CUX2: variants seen among roughly 807,000 people sequenced by gnomAD.
CUX2 encodes homeobox protein cut-like 2.
A neutral mutation model predicts 144.8 loss-of-function variants in CUX2; 40 were observed. The ratio of observed to expected loss-of-function variants is 0.28; its 90% CI spans 0.21 to 0.36. The LOEUF (loss-of-function observed/expected upper bound fraction) is 0.36. Among genes scored for constraint, CUX2 ranks in the 10% least tolerant of loss-of-function variants. CUX2 has a pLI of 1.00. For synonymous variants in CUX2, 827 were observed against 875.6 expected, an observed-to-expected ratio of 0.94 and a Z score of 0.98; for missense variants, 1,615 against 1,994.0, an observed-to-expected ratio of 0.81 and a Z score of 3.62.
chr12:111,135,074 G>T (rs141205679), intron 1 of CUX2, among the ~76,000 whole-genome samples: 31 of 152,294 alleles, frequency 2.0e-4, no homozygotes, highest in African/African-American at 7.2e-4. Flanking sequence ...CCTGCTGTGT[G>T]CCAGGCCCTG....
At chr12:111,217,986 C>A in intron 3 of CUX2, 49 bp downstream of exon 3, 1 of 1,602,502 alleles carries the variant, frequency 6.2e-7, no homozygotes, top group Non-Finnish European at 8.5e-7. Context: ...CCAATGGCTC[C>A]CCCTCCTATC....
chr12:111,295,548 A>C lies in CUX2; in HGVS notation c.637+139A>C. The C allele has an allele frequency of 1.4e-6, 1 of 693,856 alleles. No homozygotes were observed. Among genetic ancestry groups the C allele is most frequent in the Non-Finnish European group, 2.4e-6 (1 of 425,060 alleles). The allele number at this position is 693,856 out of a possible 1,614,324, so 43.0% of individuals were successfully genotyped here. A position where few individuals can be genotyped will look rare whatever the true frequency, so the allele number is the denominator to read the frequency against. The stretch of plus-strand genomic sequence containing the variant: ...GCAAAATGGGAGTTTGGGAAGAATA[A>C]TCTTACCCAGTGGGGGGCTGAGCCT... On this transcript the variant is annotated intron_variant, in intron 7 of 21. Transcript: ENST00000261726. The surrounding 1 kb of genome is among the most constrained non-coding windows in gnomAD (Gnocchi z 5.0).
In CUX2 at chr12:111,348,202, C is replaced by A; in HGVS notation, c.4338C>A (p.His1446Gln). ...CTGCTGACATGGCTGGAGCCTTGCA[C>A]CCCAGTGCCAAGGTGAACCCCAACT... ...SPTADMAGAL[H>Q]PSAKVNPNLQ... Residue 1446 changes from histidine (H) to glutamine (Q), a missense_variant, in exon 22 of 22, where the codon CAC becomes CAA. His to Gln is a conservative substitution (Grantham distance 24). This residue lies in a region of CUX2 where 298 missense variants were observed against 330.4 expected (regional missense o/e 0.90). Coordinates refer to ENST00000261726, the MANE Select transcript of CUX2 (RefSeq NM_015267.4). 6.2e-7 allele frequency: 1 copy of A among 1,614,044 alleles called. No homozygotes were observed. The highest frequency in any genetic ancestry group is 8.5e-7 in the Non-Finnish European group (1 of 1,180,032).
intron 1 of CUX2, among the ~76,000 whole-genome samples, chr12:111,129,378 G>T (rs1239888136): frequency 6.6e-6 from 1 of 152,170 alleles, no homozygotes; most frequent in Non-Finnish European, 1.5e-5. Flanking sequence ...AAGGTGTGTT[G>T]CTGGCCTTGC....
At chr12:111,268,211 G>GT (rs148291980) in intron 4 of CUX2, among the ~76,000 whole-genome samples, 32,394 of 130,834 alleles carry the variant, frequency 0.25, 3,914 homozygotes, top group East Asian at 0.54. Context: ...GTTTTTGTTT[G>GT]TTTTTTGTTT....
At chr12:111,141,571 G>A (rs1050765316) in intron 1 of CUX2, among the ~76,000 whole-genome samples, 3 of 152,138 alleles carry the variant, frequency 2.0e-5, no homozygotes, top group Admixed American at 6.5e-5. Flanking sequence ...TACAGGAGGG[G>A]AAAATGGAGA....
Position 111,207,222 on chromosome 12 carries a change from C to A in CUX2, c.64-6978C>A, listed in dbSNP as rs977612267. Among the ~76,000 whole-genome samples the A allele has an allele frequency of 3.9e-5, 6 of 152,168 alleles. No individual in the cohort carries two copies. The South Asian group carries it at 1.2e-3, about 31-fold the overall frequency. ...CCTTTGCCTGATCAGTTTCCATACC[C>A]ACCCAAAGGCAATACAAAAGACATG... On this transcript the variant is annotated intron_variant, in intron 1 of 21. Coordinates refer to ENST00000261726, the MANE Select transcript of CUX2 (RefSeq NM_015267.4).
Position 111,295,785 on chromosome 12 carries a change from A to G in CUX2, c.637+376A>G, listed in dbSNP as rs1885954224. 7.1e-6 allele frequency among the ~76,000 whole-genome samples: 1 copy of G among 140,472 alleles called. No individual in the cohort carries two copies. 92.2% of individuals were successfully genotyped at this position (140,472 alleles called of 152,430 possible). A position where few individuals can be genotyped will look rare whatever the true frequency, so the allele number is the denominator to read the frequency against. ...TAATTAATTAATTAATTAATTTAATACAACCCCTGCAGGGGCCAAAACGCT... is the reference window on the plus strand; with the variant it reads ...TAATTAATTAATTAATTAATTTAATGCAACCCCTGCAGGGGCCAAAACGCT... On this transcript the variant is annotated intron_variant, in intron 7 of 21. Coordinates refer to ENST00000261726, the MANE Select transcript of CUX2 (RefSeq NM_015267.4). The surrounding 1 kb of genome is among the most constrained non-coding windows in gnomAD (Gnocchi z 5.0).
In CUX2 at chr12:111,037,224, TGTTCA is replaced by T. The variant is rs1302689388; in HGVS notation, c.63+2986_63+2990del. On this transcript the variant is annotated intron_variant, in intron 1 of 21. Coordinates refer to ENST00000261726, the MANE Select transcript of CUX2 (RefSeq NM_015267.4). This position sits in a 1 kb window ranked among gnomAD's most constrained non-coding sequence, Gnocchi z 5.4. ...GAGGTGCGTGGCTTTCATTCCTGGCTGTTCAGGTTGAATGGTTTCTCGCAGCGTGG... is the reference window on the plus strand; with the variant it reads ...GAGGTGCGTGGCTTTCATTCCTGGCTGGTTGAATGGTTTCTCGCAGCGTGG... Among the ~76,000 whole-genome samples, 1 of 152,144 alleles carries T rather than the reference TGTTCA, an allele frequency of 6.6e-6. No individual in the cohort carries two copies. Among genetic ancestry groups the T allele is most frequent in the Non-Finnish European group, 1.5e-5 (1 of 68,032 alleles).
At chr12:111,134,113 A>C (rs1425739507) in intron 1 of CUX2, among the ~76,000 whole-genome samples, 2 of 152,344 alleles carry the variant, frequency 1.3e-5, no homozygotes, top group East Asian at 3.9e-4. Context: ...CAGGGCATGC[A>C]TGGAAGCTTT....
chr12:111,102,036 C>T (rs1291179556), intron 1 of CUX2, among the ~76,000 whole-genome samples: 1 of 152,222 alleles, frequency 6.6e-6, no homozygotes, highest in Non-Finnish European at 1.5e-5. Context: ...CCTGTCGGCA[C>T]ACAATATCCT....
In CUX2 at chr12:111,038,309, A is replaced by G. The variant is rs555833123; in HGVS notation, c.63+4069A>G. ...ACAATGTGTCAAAATTCCTCTTTCT[A>G]TAGATGACAGCAGTAAATAAGCTAT... is the stretch of plus-strand genomic sequence containing the variant. On this transcript the variant is annotated intron_variant, in intron 1 of 21. Coordinates refer to ENST00000261726, the MANE Select transcript of CUX2 (RefSeq NM_015267.4). Among the ~76,000 whole-genome samples the G allele has an allele frequency of 8.5e-5, 13 of 152,368 alleles. No homozygotes were observed. The South Asian group carries it at 1.7e-3, about 19-fold the overall frequency.
rs1365035093 is a variant in CUX2 at position 111,277,189 on chromosome 12, CTG to C, written c.301+13351_301+13352del. ...CACATATGGAGGGCCGCAGCCCACTCTGAACCCAGCTGCCACCCTCGGCCATA... is the reference window on the plus strand; with the variant it reads ...CACATATGGAGGGCCGCAGCCCACTCAACCCAGCTGCCACCCTCGGCCATA... On this transcript the variant is annotated intron_variant, in intron 4 of 21. Coordinates refer to ENST00000261726, the MANE Select transcript of CUX2 (RefSeq NM_015267.4). This position sits in a 1 kb window ranked among gnomAD's most constrained non-coding sequence, Gnocchi z 5.0. Among the ~76,000 whole-genome samples, 3 of 152,150 alleles carry C rather than the reference CTG, an allele frequency of 2.0e-5. No homozygotes were observed. Among genetic ancestry groups the C allele is most frequent in the Admixed American group, 2.0e-4 (3 of 15,282 alleles).
chr12:111,152,693 C>A (rs139180936), intron 1 of CUX2, among the ~76,000 whole-genome samples: 1 of 152,304 alleles, frequency 6.6e-6, no homozygotes, highest in Non-Finnish European at 1.5e-5. Context: ...GCTCTTGGGG[C>A]CTGAAAAATA....
chr12:111,081,150 G>A (rs886747490), intron 1 of CUX2, among the ~76,000 whole-genome samples: 4 of 152,202 alleles, frequency 2.6e-5, no homozygotes, highest in African/African-American at 7.2e-5. Flanking sequence ...GACTGCTGCA[G>A]TGGTGGGAGG....
chr12:111,207,779 A>T (rs1881003205), intron 1 of CUX2, among the ~76,000 whole-genome samples: 2 of 151,948 alleles, frequency 1.3e-5, no homozygotes, highest in African/African-American at 4.8e-5. Flanking sequence ...TCTAGGGCTT[A>T]AAAAAAATCT....
chr12:111,339,221 C>T (rs1367103783), intron 20 of CUX2, among the ~76,000 whole-genome samples: 1 of 151,728 alleles, frequency 6.6e-6, no homozygotes, highest in East Asian at 1.9e-4. Flanking sequence ...GACAGAACGA[C>T]TCTGTCTCAA....
chr12:111,160,605 C>T lies in CUX2; in HGVS notation c.64-53595C>T, dbSNP rs1306844619. Among the ~76,000 whole-genome samples the T allele has an allele frequency of 1.3e-5, 2 of 152,038 alleles. No individual in the cohort carries two copies. Among genetic ancestry groups the T allele is most frequent in the Non-Finnish European group, 2.9e-5 (2 of 68,016 alleles). ...GGCTGTGGAGGTCTCCTTGGCCACA[C>T]GAAGGGGCCTGGGTTTTTGTCTCCA... On this transcript the variant is annotated intron_variant, in intron 1 of 21. Transcript: ENST00000261726. This position sits in a 1 kb window ranked among gnomAD's most constrained non-coding sequence, Gnocchi z 4.1.
intron 18 of CUX2, among the ~76,000 whole-genome samples, chr12:111,325,234 C>A (rs112611504): frequency 0.038 from 5,832 of 151,484 alleles, 178 homozygotes; most frequent in African/African-American, 0.076. Flanking sequence ...GCGGAGCTTG[C>A]AATGAGCCGA....
Sources: allele counts gnomAD v4.1 joint callset (sites outside exome capture counted in the v4.1 genomes callset), GRCh38; gene constraint gnomAD v4.1.1; regional missense constraint gnomAD v4.1.1; non-coding constraint Gnocchi (gnomAD v3.1); transcripts MANE v1.5; gene names NCBI Gene and HGNC (gene_info 2026-07-23, HGNC 2026-07-21).